Variants in CSMD1 observed in about 807,000 individuals in gnomAD.
CSMD1 encodes CUB and sushi domain-containing protein 1.
In CSMD1, 213 loss-of-function variants were observed where a neutral mutation model predicts 417.5. The ratio of observed to expected loss-of-function variants is 0.51; its 90% confidence interval spans 0.46 to 0.57. CSMD1 has a LOEUF of 0.57. CSMD1 is among the 20% of genes least tolerant of loss of function. CSMD1 has a pLI of 0.00. For synonymous variants in CSMD1, 2,862 were observed against 1,736.8 expected, an observed-to-expected ratio of 1.65 and a Z score of -16.11; for missense variants, 6,923 against 4,529.7, an observed-to-expected ratio of 1.53 and a Z score of -15.17.
At chr8:3,491,726 T>A (rs1818391324) in intron 11 of CSMD1, among the ~76,000 whole-genome samples, 1 of 152,166 alleles carries the variant, frequency 6.6e-6, no homozygotes. Context: ...AATCAATAAA[T>A]AAGGGGATAA....
At chr8:4,936,381 C>A (rs1055182657) in intron 1 of CSMD1, among the ~76,000 whole-genome samples, 5 of 151,892 alleles carry the variant, frequency 3.3e-5, no homozygotes, top group African/African-American at 1.2e-4. Flanking sequence ...GAGTGGGCAG[C>A]AGTATAATTT....
intron 3 of CSMD1, among the ~76,000 whole-genome samples, chr8:4,394,444 A>G (rs1410525491): frequency 1.3e-5 from 2 of 152,184 alleles, no homozygotes; most frequent in African/African-American, 2.4e-5. Flanking sequence ...GATTTTTAGT[A>G]CTGAGTCTTT....
At chr8:3,188,623 CA>C (rs1360481653) in intron 35 of CSMD1, among the ~76,000 whole-genome samples, 4 of 151,874 alleles carry the variant, frequency 2.6e-5, no homozygotes, top group African/African-American at 9.7e-5. Context: ...ACAATTTCTA[CA>C]AATGGTACTT....
At chr8:3,879,940 T>C (rs920524569) in intron 5 of CSMD1, among the ~76,000 whole-genome samples, 8 of 152,180 alleles carry the variant, frequency 5.3e-5, no homozygotes, top group Admixed American at 3.9e-4. Flanking sequence ...TGATACGACT[T>C]ACTACATATT....
chr8:3,628,464 A>G (rs1355004103), intron 7 of CSMD1, among the ~76,000 whole-genome samples: 1 of 152,240 alleles, frequency 6.6e-6, no homozygotes, highest in African/African-American at 2.4e-5. Flanking sequence ...ATTATTTTAA[A>G]AAATCCTTAA....
chr8:4,244,795 T>C (rs1208508646), intron 3 of CSMD1, among the ~76,000 whole-genome samples: 4 of 152,208 alleles, frequency 2.6e-5, no homozygotes, highest in African/African-American at 9.6e-5. Flanking sequence ...TTTATACGTA[T>C]GTATAAAATA....
chr8:3,429,289 T>C (rs1283551898), intron 12 of CSMD1, among the ~76,000 whole-genome samples: 1 of 152,122 alleles, frequency 6.6e-6, no homozygotes, highest in Non-Finnish European at 1.5e-5. Context: ...GAAGCATAAA[T>C]AAACAGAAAT....
intron 2 of CSMD1, among the ~76,000 whole-genome samples, chr8:4,443,976 G>A (rs764479271): frequency 2.0e-5 from 3 of 152,098 alleles, no homozygotes; most frequent in East Asian, 1.9e-4. Context: ...GTGATATGAG[G>A]TGAAAATGTA....
intron 1 of CSMD1, among the ~76,000 whole-genome samples, chr8:4,958,743 T>A (rs536067434): frequency 6.6e-6 from 1 of 151,648 alleles, no homozygotes; most frequent in South Asian, 2.1e-4. Flanking sequence ...TTTATATAAG[T>A]CATCAGTAAT....
At chr8:4,280,742 T>C (rs1361910301) in intron 3 of CSMD1, among the ~76,000 whole-genome samples, 2 of 152,240 alleles carry the variant, frequency 1.3e-5, no homozygotes, top group African/African-American at 2.4e-5. Flanking sequence ...TGTACTTTCC[T>C]AGTACCCATA....
intron 45 of CSMD1, 31 bp downstream of exon 45, chr8:3,107,687 A>C (rs1531351): frequency 1.5e-5 from 20 of 1,298,770 alleles, no homozygotes; most frequent in Admixed American, 9.3e-5. Flanking sequence ...GTCGTGCTGA[A>C]TTCATGGTAT....
chr8:4,631,205 T>C (rs1389861813), intron 2 of CSMD1, among the ~76,000 whole-genome samples: 1 of 151,648 alleles, frequency 6.6e-6, no homozygotes, highest in Non-Finnish European at 1.5e-5. Flanking sequence ...TATTAAAAAA[T>C]ACAAAAATTA....
chr8:4,514,190 C>CGT, intron 2 of CSMD1, among the ~76,000 whole-genome samples: 1 of 152,236 alleles, frequency 6.6e-6, no homozygotes, highest in South Asian at 2.1e-4. Context: ...ACCTTCTTAC[C>CGT]GTGTCCTCAT....
intron 33 of CSMD1, among the ~76,000 whole-genome samples, chr8:3,195,639 C>G (rs1244157944): frequency 6.6e-6 from 1 of 152,174 alleles, no homozygotes; most frequent in Admixed American, 6.5e-5. Flanking sequence ...CTGCCAGTCC[C>G]TGCTTGATGG....
chr8:3,553,929 G>A (rs959825743), intron 10 of CSMD1, among the ~76,000 whole-genome samples: 4 of 152,280 alleles, frequency 2.6e-5, no homozygotes, highest in African/African-American at 7.2e-5. Flanking sequence ...AGACTTCTAC[G>A]TAATGGGGCA....
intron 3 of CSMD1, among the ~76,000 whole-genome samples, chr8:4,322,554 GAGTA>G (rs374870165): frequency 1.0e-3 from 156 of 152,288 alleles, no homozygotes; most frequent in Middle Eastern, 3.4e-3. Context: ...GCCCTGAAGA[GAGTA>G]AGTAAGATTT....
chr8:4,513,620 G>C (rs1802946256), intron 2 of CSMD1, among the ~76,000 whole-genome samples: 1 of 152,158 alleles, frequency 6.6e-6, no homozygotes, highest in South Asian at 2.1e-4. Context: ...GATAAATTTT[G>C]AAGATGAAAC....
rs377081238 is a variant in CSMD1 at position 4,472,694 on chromosome 8, G to C, written c.303-52629C>G. On this transcript the variant is annotated intron_variant, in intron 2 of 69. Transcript: ENST00000635120. ...TGCTTTGTTATATCAAGAAAATATT[G>C]AAATGAGCATATTAGGTGTAAACAG... is the stretch of plus-strand genomic sequence containing the variant. 1.8e-4 allele frequency among the ~76,000 whole-genome samples: 27 copies of C among 151,980 alleles called. No individual in the cohort carries two copies. The South Asian group carries it at 5.2e-3, about 29-fold the overall frequency.
chr8:4,249,809 G>C (rs1489552353), intron 3 of CSMD1, among the ~76,000 whole-genome samples: 1 of 152,148 alleles, frequency 6.6e-6, no homozygotes, highest in African/African-American at 2.4e-5. Context: ...TGTCAGTTTA[G>C]AAATTCTTCT....
Sources: allele counts gnomAD v4.1 joint callset (sites outside exome capture counted in the v4.1 genomes callset), GRCh38; gene constraint gnomAD v4.1.1; transcripts MANE v1.5; gene names NCBI Gene and HGNC (gene_info 2026-07-23, HGNC 2026-07-21).